Variants in PHEX observed in about 807,000 individuals in gnomAD.
PHEX encodes phosphate-regulating neutral endopeptidase PHEX.
In PHEX, 16 loss-of-function variants were observed where a neutral mutation model predicts 68.0. That is an observed-to-expected ratio of 0.24 (90% CI 0.16 to 0.36). The LOEUF (loss-of-function observed/expected upper bound fraction) is 0.36, where lower values mean the gene tolerates loss of function less well. Ranked by LOEUF, PHEX falls within the 10% of genes least tolerant of loss-of-function variation. PHEX has a pLI of 1.00. For missense variants in PHEX, 480 were observed against 575.5 expected (o/e 0.83, Z 1.70); for synonymous variants, 208 against 205.1 (o/e 1.01, Z -0.12).
intron 15 of PHEX, among the ~76,000 whole-genome samples, chrX:22,193,537 C>T (rs1934270156): frequency 8.9e-6 from 1 of 111,736 alleles, no homozygotes; most frequent in Admixed American, 9.5e-5. Flanking sequence ...AAAATGGTAT[C>T]TTACTGTATG....
At chrX:22,226,111 A>G (rs1935485891) in intron 18 of PHEX, among the ~76,000 whole-genome samples, 1 of 112,163 alleles carries the variant, frequency 8.9e-6, no homozygotes, top group African/African-American at 3.2e-5. Flanking sequence ...TAACCTGTGT[A>G]TTGACATTCC....
intron 13 of PHEX, among the ~76,000 whole-genome samples, chrX:22,176,402 AATAT>A (rs1174350162): frequency 2.0e-3 from 114 of 57,840 alleles, no homozygotes; most frequent in African/African-American, 9.1e-3. Flanking sequence ...AAAAAAAAAA[AATAT>A]ATATATATAT....
At chrX:22,092,973 A>C (rs1929969648) in intron 6 of PHEX, among the ~76,000 whole-genome samples, 1 of 107,152 alleles carries the variant, frequency 9.3e-6, no homozygotes, top group African/African-American at 3.4e-5. Context: ...GCTGGTCTTG[A>C]ACTCCTGACC....
At chrX:22,176,384 C>CAAAA (rs61277745) in intron 13 of PHEX, among the ~76,000 whole-genome samples, 1 of 73,904 alleles carries the variant, frequency 1.4e-5, no homozygotes, top group Non-Finnish European at 2.6e-5. Context: ...GAGACTGTCT[C>CAAAA]AAAAAAAAAA....
Position 22,205,671 on chromosome X carries a change from TTTA to T in PHEX, c.1646-7229_1646-7227del, listed in dbSNP as rs199802170. Among the ~76,000 whole-genome samples, 696 of 97,037 alleles carry T rather than the reference TTTA, an allele frequency of 7.2e-3. 1 individual carries two copies. Among genetic ancestry groups the T allele is most frequent in the African/African-American group, 0.026 (651 of 25,268 alleles). 84.3% of individuals were successfully genotyped at this position (97,037 alleles called of 115,157 possible). A position where few individuals can be genotyped will look rare whatever the true frequency, so the allele number is the denominator to read the frequency against. ...TATTAAATTATTAATTTATTAATACTTTATTAATATTAAATTATTATTATTAAT... is the reference window on the plus strand; with the variant it reads ...TATTAAATTATTAATTTATTAATACTTTAATATTAAATTATTATTATTAAT... On this transcript the variant is annotated intron_variant, in intron 15 of 21. Coordinates refer to ENST00000379374, the MANE Select transcript of PHEX (RefSeq NM_000444.6).
intron 9 of PHEX, among the ~76,000 whole-genome samples, chrX:22,105,566 A>G (rs1050051652): frequency 9.0e-6 from 1 of 111,577 alleles, no homozygotes; most frequent in Admixed American, 9.5e-5. Context: ...GGCTTTGAGA[A>G]CCTTTAAGAA....
intron 15 of PHEX, among the ~76,000 whole-genome samples, chrX:22,209,304 G>A (rs780434297): frequency 8.4e-4 from 93 of 110,887 alleles, no homozygotes; most frequent in Non-Finnish European, 1.6e-3. Context: ...TGCGAAATTG[G>A]AGTTATGTCC....
intron 15 of PHEX, among the ~76,000 whole-genome samples, chrX:22,206,386 C>T (rs1934712238): frequency 8.9e-6 from 1 of 111,827 alleles, no homozygotes; most frequent in East Asian, 2.8e-4. Flanking sequence ...GAGTGCTTAC[C>T]ATGAACCAGG....
chrX:22,099,419 G>A (rs1271219510), intron 9 of PHEX: 7 of 339,697 alleles, frequency 2.1e-5, no homozygotes, highest in African/African-American at 5.2e-5. Context: ...TTATGAGCTT[G>A]GGGAGCTAGT....
chrX:22,226,404 C>T (rs148434865), intron 18 of PHEX, 39 bp from the exon 19 acceptor site: 210 of 948,152 alleles, frequency 2.2e-4, no homozygotes, highest in South Asian at 1.6e-4. Flanking sequence ...CCGTGAAACA[C>T]GCATTCATTT....
intron 12 of PHEX, among the ~76,000 whole-genome samples, chrX:22,151,620 G>C (rs763043205): frequency 1.8e-4 from 20 of 111,445 alleles, no homozygotes; most frequent in South Asian, 1.1e-3. Flanking sequence ...TCCCCGAGGT[G>C]CCATTTTCTG....
At chrX:22,186,069 C>G (rs1036128840) in intron 14 of PHEX, among the ~76,000 whole-genome samples, 4 of 111,501 alleles carry the variant, frequency 3.6e-5, no homozygotes, top group Non-Finnish European at 7.5e-5. Flanking sequence ...TGTGGTCTTT[C>G]ATGTAGTTAC....
chrX:22,238,467 G>A (rs777022379), intron 20 of PHEX, among the ~76,000 whole-genome samples: 8 of 109,220 alleles, frequency 7.3e-5, no homozygotes, highest in Middle Eastern at 4.7e-3. Flanking sequence ...TTACAGTACC[G>A]GGCTCGGTGC....
intron 11 of PHEX, among the ~76,000 whole-genome samples, chrX:22,115,713 T>C (rs1160387803): frequency 8.9e-6 from 1 of 112,367 alleles, no homozygotes; most frequent in Admixed American, 9.4e-5. Context: ...GTGCCTGGCT[T>C]ATTTCACTTA....
At chrX:22,037,628 CTT>C (rs547864797) in intron 1 of PHEX, among the ~76,000 whole-genome samples, 1 of 104,280 alleles carries the variant, frequency 9.6e-6, no homozygotes, top group African/African-American at 3.5e-5. Flanking sequence ...CAATTTTAGA[CTT>C]TTTTTTTTTT....
chrX:22,232,321 T>C (rs915964325), intron 20 of PHEX, among the ~76,000 whole-genome samples: 2 of 110,879 alleles, frequency 1.8e-5, no homozygotes. Flanking sequence ...GTTCTGGATA[T>C]CCTTGTTAAT....
chrX:22,133,469 C>T (rs1932099383), intron 11 of PHEX, 54 bp from the exon 12 acceptor site: 2 of 1,000,672 alleles, frequency 2.0e-6, no homozygotes, highest in South Asian at 3.8e-5. Flanking sequence ...TTCCAGAAAA[C>T]CTCGACTGAA....
intron 9 of PHEX, among the ~76,000 whole-genome samples, chrX:22,111,019 T>A (rs937240446): frequency 8.9e-6 from 1 of 112,171 alleles, no homozygotes; most frequent in Non-Finnish European, 1.9e-5. Context: ...TGTGCAGACT[T>A]GAGGAGAATG....
intron 15 of PHEX, among the ~76,000 whole-genome samples, chrX:22,193,226 G>T (rs1015365390): frequency 9.0e-6 from 1 of 110,968 alleles, no homozygotes; most frequent in African/African-American, 3.3e-5. Flanking sequence ...TTGGGAAATA[G>T]AAATTGTTTA....
Sources: gnomAD v4.1 joint callset for allele counts (sites outside exome capture counted in the v4.1 genomes callset) on GRCh38, gnomAD v4.1.1 for gene constraint, MANE v1.5 for transcripts, NCBI Gene and HGNC (gene_info 2026-07-23, HGNC 2026-07-21) for gene names.